Variants in ACOT1 observed in about 807,000 individuals in gnomAD.
ACOT1 encodes acyl-coenzyme A thioesterase 1.
ACOT1 carries 8 observed loss-of-function variants against 15.7 expected under a neutral mutation model. The observed-to-expected ratio is 0.51, with a 90% confidence interval of 0.30 to 0.92. ACOT1 has a LOEUF of 0.92. Among genes scored for constraint, ACOT1 ranks in the 40% least tolerant of loss-of-function variants. ACOT1 has a pLI of 0.06. For synonymous variants in ACOT1, 67 were observed against 241.2 expected (o/e 0.28, Z 6.69); for missense variants, 151 against 539.4 (o/e 0.28, Z 7.13).
chr14:73,492,268 C>T, the ACOT1 span: 3 of 1,614,038 alleles, frequency 1.9e-6, no homozygotes, highest in African/African-American at 1.3e-5. The surrounding 1 kb of genome is among the most constrained non-coding windows in gnomAD (Gnocchi z 4.9). Flanking sequence ...ACTCTCTGCA[C>T]CTCACCTTGT....
chr14:73,521,338 G>A, the ACOT1 span, among the ~76,000 whole-genome samples: 9 of 152,012 alleles, frequency 5.9e-5, no homozygotes, highest in South Asian at 2.1e-4. Context: ...TTTAACATTC[G>A]TACTCTTAGA....
the ACOT1 span, chr14:73,522,432 A>G: frequency 5.0e-6 from 8 of 1,614,106 alleles, no homozygotes; most frequent in Admixed American, 1.7e-5. Flanking sequence ...CTCCAGTCGT[A>G]CTGCTGGCGC....
the ACOT1 span, chr14:73,491,076 G>A: frequency 1.3e-6 from 2 of 1,596,574 alleles, no homozygotes; most frequent in Admixed American, 1.7e-5. Flanking sequence ...AAGCGCCGGC[G>A]CAAGCCCCAG....
chr14:73,498,226 T>A, the ACOT1 span: 2 of 1,614,014 alleles, frequency 1.2e-6, no homozygotes, highest in Non-Finnish European at 1.7e-6. Flanking sequence ...CCCCTTGAAG[T>A]TTCAGGGCTA....
At chr14:73,495,380 GT>G in the ACOT1 span, 1 of 1,612,652 alleles carries the variant, frequency 6.2e-7, no homozygotes, top group Non-Finnish European at 8.5e-7. Context: ...TTGGCTTAGT[GT>G]TTTAATCTAA....
upstream of ACOT1, among the ~76,000 whole-genome samples, chr14:73,536,516 TAAA>T (rs543491523): frequency 1.7e-5 from 1 of 59,344 alleles, no homozygotes; most frequent in Non-Finnish European, 3.2e-5. Flanking sequence ...CCTGTCTCTT[TAAA>T]AAAAAAAAAA....
At chr14:73,502,820 C>T in the ACOT1 span, 3 of 1,112,746 alleles carry the variant, frequency 2.7e-6, no homozygotes, top group Non-Finnish European at 4.1e-6. Context: ...GTGTTGGGAG[C>T]CACCTTGCCC....
chr14:73,495,071 A>C, the ACOT1 span, among the ~76,000 whole-genome samples: 10 of 147,772 alleles, frequency 6.8e-5, no homozygotes, highest in Admixed American at 2.7e-4. Flanking sequence ...CAAAAAAAAA[A>C]CACAAAGACT....
the ACOT1 span, chr14:73,513,953 A>T: frequency 4.9e-6 from 7 of 1,441,038 alleles, no homozygotes; most frequent in Non-Finnish European, 6.8e-6. Context: ...TGGATTTTTC[A>T]AAGACTGAGA....
At chr14:73,498,400 A>G in the ACOT1 span, 1 of 1,449,200 alleles carries the variant, frequency 6.9e-7, no homozygotes, top group Non-Finnish European at 9.3e-7. Context: ...ATATTCTAGC[A>G]TCCAGAAATA....
the ACOT1 span, chr14:73,496,639 CATTT>C: frequency 6.2e-7 from 1 of 1,602,616 alleles, no homozygotes; most frequent in African/African-American, 1.3e-5. Flanking sequence ...TGGTTTCCTT[CATTT>C]CCTAAGTTGA....
At chr14:73,520,242 C>T in the ACOT1 span, 3 of 152,208 alleles carry the variant, frequency 2.0e-5, no homozygotes, top group East Asian at 5.8e-4. Context: ...ATCTAAGGGA[C>T]AGCAGTAGGG....
At chr14:73,523,326 G>A in the ACOT1 span, 6 of 607,000 alleles carry the variant, frequency 9.9e-6, no homozygotes, top group Middle Eastern at 8.9e-4. Flanking sequence ...AGATGGAAAG[G>A]GGGTGGGGAA....
chr14:73,498,233 G>A, the ACOT1 span: 10 of 1,613,974 alleles, frequency 6.2e-6, no homozygotes, highest in Non-Finnish European at 8.5e-6. Flanking sequence ...AAGTTTCAGG[G>A]CTAGGATGCT....
chr14:73,500,608 G>T, the ACOT1 span: 1 of 1,614,142 alleles, frequency 6.2e-7, no homozygotes, highest in Non-Finnish European at 8.5e-7. Context: ...CCGAACTGCT[G>T]TGAAGTCATC....
At chr14:73,521,213 G>T in the ACOT1 span, among the ~76,000 whole-genome samples, 2 of 152,098 alleles carry the variant, frequency 1.3e-5, no homozygotes, top group Non-Finnish European at 2.9e-5. Context: ...CCAGTTGAAT[G>T]TGGAGCTGCC....
chr14:73,542,792 G>A (rs1889136436), intron 2 of ACOT1, among the ~76,000 whole-genome samples: 1 of 111,974 alleles, frequency 8.9e-6, no homozygotes, highest in Non-Finnish European at 1.9e-5. Context: ...AAAAGATCAT[G>A]GGAGATAATG....
the ACOT1 span, among the ~76,000 whole-genome samples, chr14:73,524,543 A>T: frequency 6.7e-6 from 1 of 150,028 alleles, no homozygotes; most frequent in Non-Finnish European, 1.5e-5. Flanking sequence ...CTTGCTGAGG[A>T]TTTTACGTAG....
the ACOT1 span, chr14:73,498,117 TATAA>T: frequency 6.4e-7 from 1 of 1,561,728 alleles, no homozygotes. Context: ...GAGTTGGCAG[TATAA>T]GGTCATGGTG....
Sources: allele counts gnomAD v4.1 joint callset (sites outside exome capture counted in the v4.1 genomes callset), GRCh38; gene constraint gnomAD v4.1.1; non-coding constraint Gnocchi (gnomAD v3.1); transcripts MANE v1.5; gene names NCBI Gene and HGNC (gene_info 2026-07-23, HGNC 2026-07-21).